LYPD6: variants seen among roughly 807,000 people sequenced by gnomAD.
The protein encoded by LYPD6 is ly6/PLAUR domain-containing protein 6.
Under a neutral mutation model 22.7 loss-of-function variants are expected in LYPD6, and 15 were observed. The ratio of observed to expected loss-of-function variants is 0.66; its 90% CI spans 0.44 to 1.02. LYPD6 has a LOEUF of 1.02. Ranked by LOEUF, LYPD6 falls within the 50% of genes least tolerant of loss-of-function variation. The probability of loss-of-function intolerance (pLI) is 0.00; values close to 1 mark genes in which losing one functional copy is unlikely to be tolerated. For missense variants in LYPD6, 189 were observed against 208.4 expected (o/e 0.91, Z 0.57); for synonymous variants, 72 against 77.5 (o/e 0.93, Z 0.37).
intron 3 of LYPD6, among the ~76,000 whole-genome samples, chr2:149,463,062 T>A (rs1681121774): frequency 6.6e-6 from 1 of 152,046 alleles, no homozygotes. Flanking sequence ...AATTTAAAAC[T>A]TTTTTACCCG....
At chr2:149,400,659 A>G (rs1463170432) in intron 1 of LYPD6, among the ~76,000 whole-genome samples, 1 of 152,202 alleles carries the variant, frequency 6.6e-6, no homozygotes, top group African/African-American at 2.4e-5. Flanking sequence ...CTACTTAATT[A>G]TAACAGCATT....
chr2:149,341,957 G>C (rs935491294), intron 1 of LYPD6, among the ~76,000 whole-genome samples: 1 of 152,184 alleles, frequency 6.6e-6, no homozygotes, highest in Non-Finnish European at 1.5e-5. Flanking sequence ...AGATGGAAGG[G>C]ATAGGTTTTG....
chr2:149,354,728 A>G lies in LYPD6; in HGVS notation c.-72+24006A>G, dbSNP rs143186945. Among the ~76,000 whole-genome samples, 833 of 152,306 alleles carry G rather than the reference A, an allele frequency of 5.5e-3. 7 individuals carry two copies. Among genetic ancestry groups the G allele is most frequent in the African/African-American group, 0.019 (802 of 41,564 alleles). On this transcript the variant is annotated intron_variant, in intron 1 of 4. Coordinates refer to ENST00000334166, the MANE Select transcript of LYPD6 (RefSeq NM_194317.5). ...ACAGCATAAGGGGGCTTGGAATGCAATTAACCTTATACATTGTGAAAAAGC... is the reference window on the plus strand; with the variant it reads ...ACAGCATAAGGGGGCTTGGAATGCAGTTAACCTTATACATTGTGAAAAAGC...
At chr2:149,381,668 A>C (rs763739415) in intron 1 of LYPD6, among the ~76,000 whole-genome samples, 16 of 152,234 alleles carry the variant, frequency 1.1e-4, no homozygotes, top group Non-Finnish European at 2.4e-4. Flanking sequence ...CTAATACTGC[A>C]GACTAAATTT....
intron 1 of LYPD6, among the ~76,000 whole-genome samples, chr2:149,431,839 G>A (rs533209363): frequency 6.6e-6 from 1 of 152,164 alleles, no homozygotes; most frequent in African/African-American, 2.4e-5. Context: ...CAAAGAATGG[G>A]AGAGGATATT....
intron 3 of LYPD6, among the ~76,000 whole-genome samples, chr2:149,454,290 G>A (rs1319163916): frequency 6.6e-6 from 1 of 152,136 alleles, no homozygotes; most frequent in Admixed American, 6.5e-5. Context: ...GGCTGCTAGG[G>A]TGCCCCAGTC....
At chr2:149,365,027 G>C (rs1681634540) in intron 1 of LYPD6, among the ~76,000 whole-genome samples, 1 of 152,134 alleles carries the variant, frequency 6.6e-6, no homozygotes, top group Admixed American at 6.6e-5. Context: ...CCTTAAAATA[G>C]ATCAGTCACT....
At chr2:149,424,746 A>G (rs1683155213) in intron 1 of LYPD6, among the ~76,000 whole-genome samples, 1 of 152,158 alleles carries the variant, frequency 6.6e-6, no homozygotes, top group African/African-American at 2.4e-5. Context: ...ACACCTATTC[A>G]TAGTGGCGCT....
downstream of LYPD6, among the ~76,000 whole-genome samples, chr2:149,475,680 G>A (rs1681438834): frequency 6.6e-6 from 1 of 152,144 alleles, no homozygotes; most frequent in African/African-American, 2.4e-5. Flanking sequence ...TTGAAACTGG[G>A]TAGAGACCTA....
At chr2:149,450,765 T>G (rs112742286) in intron 3 of LYPD6, among the ~76,000 whole-genome samples, 1 of 152,338 alleles carries the variant, frequency 6.6e-6, no homozygotes, top group African/African-American at 2.4e-5. Flanking sequence ...CCTGGTAAAC[T>G]TTCGAAAACA....
chr2:149,485,489 G>T, the LYPD6 span, among the ~76,000 whole-genome samples: 34 of 152,266 alleles, frequency 2.2e-4, no homozygotes, highest in South Asian at 7.1e-3. Flanking sequence ...TGCATTGCTG[G>T]TCCTGTGCCA....
At chr2:149,391,738 A>C (rs1682314719) in intron 1 of LYPD6, among the ~76,000 whole-genome samples, 1 of 152,256 alleles carries the variant, frequency 6.6e-6, no homozygotes, top group African/African-American at 2.4e-5. Flanking sequence ...CCTCCCTTTC[A>C]ATAAGAGGAA....
At chr2:149,342,947 A>G (rs186685116) in intron 1 of LYPD6, among the ~76,000 whole-genome samples, 13 of 152,222 alleles carry the variant, frequency 8.5e-5, no homozygotes, top group African/African-American at 3.1e-4. Context: ...AGCTATTTGG[A>G]GGCTCAACTT....
chr2:149,459,201 C>T (rs1681033236), intron 3 of LYPD6, among the ~76,000 whole-genome samples: 1 of 152,080 alleles, frequency 6.6e-6, no homozygotes, highest in Non-Finnish European at 1.5e-5. Flanking sequence ...TTGAATGAAA[C>T]GTTTTCATCA....
At chr2:149,426,892 G>A (rs1683199280) in intron 1 of LYPD6, among the ~76,000 whole-genome samples, 1 of 152,150 alleles carries the variant, frequency 6.6e-6, no homozygotes, top group South Asian at 2.1e-4. Flanking sequence ...CTTCATGCCA[G>A]CCCTCTAAAA....
chr2:149,484,884 T>C, the LYPD6 span, among the ~76,000 whole-genome samples: 1 of 152,194 alleles, frequency 6.6e-6, no homozygotes. Context: ...AAGGATATCT[T>C]TAGTACTGCC....
At position 149,432,415 on chromosome 2, in the gene LYPD6, G is replaced by A. The variant is rs182502049; in HGVS notation, c.-71-5223G>A. Among the ~76,000 whole-genome samples the A allele has an allele frequency of 2.7e-5, 4 of 150,812 alleles. No homozygotes were observed. The East Asian group carries it at 7.8e-4, about 29-fold the overall frequency. ...AATAAAAGAAACCTCAGATTTCTGTGCCAGGTGCTTTCTTTCTGTTTCCTG... is the reference window on the plus strand; with the variant it reads ...AATAAAAGAAACCTCAGATTTCTGTACCAGGTGCTTTCTTTCTGTTTCCTG... On this transcript the variant is annotated intron_variant, in intron 1 of 4. Transcript: ENST00000334166.
chr2:149,478,807 T>C (rs1681480852), downstream of LYPD6, among the ~76,000 whole-genome samples: 1 of 152,180 alleles, frequency 6.6e-6, no homozygotes, highest in African/African-American at 2.4e-5. Context: ...TTCCACCTGC[T>C]ACCTGGGGCA....
At chr2:149,470,536 C>T in intron 4 of LYPD6, 147 bp from the exon 5 acceptor site, 3 of 645,438 alleles carry the variant, frequency 4.6e-6, no homozygotes, top group Non-Finnish European at 8.0e-6. Context: ...TATCCCCAGC[C>T]TTCCTGAACG....
Sources: gnomAD v4.1 joint callset for allele counts (sites outside exome capture counted in the v4.1 genomes callset) on GRCh38, gnomAD v4.1.1 for gene constraint, MANE v1.5 for transcripts, NCBI Gene and HGNC (gene_info 2026-07-23, HGNC 2026-07-21) for gene names.